Variants in LIN28B observed in about 807,000 individuals in gnomAD.
The protein encoded by LIN28B is protein lin-28 homolog B.
In LIN28B, 5 loss-of-function variants were observed where a neutral mutation model predicts 21.9. The ratio of observed to expected loss-of-function variants is 0.23; its 90% CI spans 0.12 to 0.48. LIN28B has a LOEUF of 0.48. LIN28B is among the 20% of genes least tolerant of loss of function. The pLI is 0.98. For synonymous variants in LIN28B, 109 were observed against 111.3 expected (o/e 0.98, Z 0.13); for missense variants, 245 against 310.5 (o/e 0.79, Z 1.58).
chr6:105,063,249 T>G (rs558084395), intron 3 of LIN28B, among the ~76,000 whole-genome samples: 1 of 152,204 alleles, frequency 6.6e-6, no homozygotes, highest in South Asian at 2.1e-4. Context: ...TATGCTCTTA[T>G]TCATCTTCTC....
chr6:104,993,191 G>T (rs912165984), intron 2 of LIN28B, among the ~76,000 whole-genome samples: 3 of 152,064 alleles, frequency 2.0e-5, no homozygotes, highest in Admixed American at 6.5e-5. Context: ...TGCTGTTGGG[G>T]CCCAGCATGG....
chr6:104,943,931 A>T (rs1001108762), intron 2 of LIN28B, among the ~76,000 whole-genome samples: 3 of 152,186 alleles, frequency 2.0e-5, no homozygotes, highest in Admixed American at 6.5e-5. Flanking sequence ...CCCACCATGT[A>T]CTTGTATACA....
rs181319326 is a variant in LIN28B, at chr6:104,967,263, G to A, written c.198+8977G>A. On this transcript the variant is annotated intron_variant, in intron 2 of 3. Coordinates refer to ENST00000345080, the MANE Select transcript of LIN28B (RefSeq NM_001004317.4). Reference sequence around the variant, plus strand: ...CTTAAAGGGCATAATTAGGCTTATTGATGTTCATATGTCTTGTCAGAAATT... The same window carrying A: ...CTTAAAGGGCATAATTAGGCTTATTAATGTTCATATGTCTTGTCAGAAATT... 2.8e-4 allele frequency among the ~76,000 whole-genome samples: 42 copies of A among 152,094 alleles called. No homozygotes were observed. In the East Asian group the frequency reaches 7.6e-3, roughly 27 times the overall value.
chr6:105,074,284 G>A (rs181735033), intron 3 of LIN28B, among the ~76,000 whole-genome samples: 2,196 of 152,084 alleles, frequency 0.014, 66 homozygotes, highest in African/African-American at 0.05. Context: ...TGCAAACTCC[G>A]CCTCCTGGGT....
chr6:105,003,486 C>T (rs1368963163), intron 2 of LIN28B, among the ~76,000 whole-genome samples: 3 of 152,010 alleles, frequency 2.0e-5, no homozygotes, highest in South Asian at 2.1e-4. Flanking sequence ...ATCTCTCTCT[C>T]TTTCTCTCCC....
chr6:105,056,431 G>A (rs907203769), intron 3 of LIN28B, among the ~76,000 whole-genome samples: 1 of 151,978 alleles, frequency 6.6e-6, no homozygotes, highest in African/African-American at 2.4e-5. Flanking sequence ...TTAGTCCTAG[G>A]ATGCAGTCCT....
chr6:104,997,601 A>G (rs560586954), intron 2 of LIN28B, among the ~76,000 whole-genome samples: 4 of 151,776 alleles, frequency 2.6e-5, no homozygotes, highest in Middle Eastern at 3.4e-3. Flanking sequence ...GTTGCAATAT[A>G]GACCTGACTG....
rs1027927265 is a variant in LIN28B at position 105,080,731 on chromosome 6, TAAGC to T, written c.*1952_*1955del. The T allele has an allele frequency of 5.2e-5, 8 of 152,634 alleles. No individual in the cohort carries two copies. Among genetic ancestry groups the T allele is most frequent in the Non-Finnish European group, 1.0e-4 (7 of 68,028 alleles). The allele number at this position is 152,634 out of a possible 1,614,324, so 9.5% of individuals were successfully genotyped here. A position where few individuals can be genotyped will look rare whatever the true frequency, so the allele number is the denominator to read the frequency against. On this transcript the variant is annotated 3_prime_UTR_variant, in exon 4 of 4. Coordinates refer to ENST00000345080, the MANE Select transcript of LIN28B (RefSeq NM_001004317.4). ...ATTGCTTAATTTTTAGCAGGCATAA[TAAGC>T]AAGTTAACAGTAAAATGCAAAACAT... is the stretch of plus-strand genomic sequence containing the variant.
intron 2 of LIN28B, among the ~76,000 whole-genome samples, chr6:105,018,613 C>G (rs904358308): frequency 7.2e-5 from 11 of 152,122 alleles, no homozygotes; most frequent in African/African-American, 2.4e-4. Context: ...TTTATGTATT[C>G]CCTTTCCCTG....
intron 2 of LIN28B, among the ~76,000 whole-genome samples, chr6:104,966,770 C>A (rs536825995): frequency 6.6e-6 from 1 of 151,900 alleles, no homozygotes; most frequent in Non-Finnish European, 1.5e-5. Context: ...TACAGGCACT[C>A]GCCACCACGC....
chr6:105,042,207 A>G (rs893885979), intron 3 of LIN28B, among the ~76,000 whole-genome samples: 33 of 152,288 alleles, frequency 2.2e-4, no homozygotes, highest in African/African-American at 7.0e-4. Context: ...ATGAGTAGAG[A>G]CACTGAATTG....
At chr6:105,078,107 G>C (rs184511279) in intron 3 of LIN28B, among the ~76,000 whole-genome samples, 45 of 152,234 alleles carry the variant, frequency 3.0e-4, no homozygotes, top group Admixed American at 2.2e-3. Context: ...TGACCAGATA[G>C]TGTCAAATTT....
rs184244802 is a variant in LIN28B at position 104,997,174 on chromosome 6, G to A, written c.199-29124G>A. 5.9e-3 allele frequency among the ~76,000 whole-genome samples: 894 copies of A among 151,842 alleles called. 7 individuals carry two copies. Among genetic ancestry groups the A allele is most frequent in the African/African-American group, 0.02 (845 of 41,428 alleles). On this transcript the variant is annotated intron_variant, in intron 2 of 3. Coordinates refer to ENST00000345080, the MANE Select transcript of LIN28B (RefSeq NM_001004317.4). ...CACACACCTGTAGTCCCAGCTACTC[G>A]GGAGGCTGAGGCAGGAGAATGGCGT...
At chr6:105,045,943 T>G (rs958565380) in intron 3 of LIN28B, among the ~76,000 whole-genome samples, 1 of 152,214 alleles carries the variant, frequency 6.6e-6, no homozygotes, top group Admixed American at 6.5e-5. Context: ...CATCTCTGTA[T>G]GGTTTTCTAT....
chr6:105,061,909 A>G (rs1302597534), intron 3 of LIN28B, among the ~76,000 whole-genome samples: 1 of 151,934 alleles, frequency 6.6e-6, no homozygotes, highest in African/African-American at 2.4e-5. Flanking sequence ...AAAATATTAC[A>G]TTGTAAAATA....
intron 3 of LIN28B, among the ~76,000 whole-genome samples, chr6:105,061,499 T>G (rs984111397): frequency 1.3e-5 from 2 of 151,946 alleles, no homozygotes; most frequent in African/African-American, 4.8e-5. Context: ...CTATTTATTT[T>G]TGCTCTCGCT....
intron 3 of LIN28B, among the ~76,000 whole-genome samples, chr6:105,051,830 A>G (rs1771912531): frequency 6.6e-6 from 1 of 152,178 alleles, no homozygotes; most frequent in Non-Finnish European, 1.5e-5. Context: ...AATGGAACAT[A>G]CCAGGGTCTT....
intron 2 of LIN28B, among the ~76,000 whole-genome samples, chr6:104,945,012 T>C (rs1778140527): frequency 6.6e-6 from 1 of 152,146 alleles, no homozygotes; most frequent in Non-Finnish European, 1.5e-5. Flanking sequence ...TTTACAGACT[T>C]ACTTGGAAAG....
At chr6:105,034,019 ATATAGTTTAAATG>A (rs1217512394) in intron 3 of LIN28B, among the ~76,000 whole-genome samples, 1 of 151,836 alleles carries the variant, frequency 6.6e-6, no homozygotes, top group Non-Finnish European at 1.5e-5. Context: ...TCTTTTTTAT[ATATAGTTTAAATG>A]TTTTTACTCC....
Sources: allele counts gnomAD v4.1 joint callset (sites outside exome capture counted in the v4.1 genomes callset), GRCh38; gene constraint gnomAD v4.1.1; transcripts MANE v1.5; gene names NCBI Gene and HGNC (gene_info 2026-07-23, HGNC 2026-07-21).